RIPK4: variants seen among roughly 807,000 people sequenced by gnomAD.
RIPK4 encodes the protein receptor interacting serine/threonine kinase 4, also known as receptor-interacting serine/threonine-protein kinase 4.
A neutral mutation model predicts 42.9 loss-of-function variants in RIPK4; 17 were observed. The observed-to-expected ratio is 0.40, with a 90% CI of 0.27 to 0.59. The LOEUF is 0.59. Among genes scored for constraint, RIPK4 ranks in the 20% least tolerant of loss-of-function variants. RIPK4 has a pLI of 0.47. For missense variants in RIPK4, 897 were observed against 1,104.4 expected (o/e 0.81, Z 2.66); for synonymous variants, 498 against 499.1 (o/e 1.00, Z 0.03).
At chr21:41,748,520 G>A (rs1449792764) in intron 4 of RIPK4, among the ~76,000 whole-genome samples, 1 of 152,246 alleles carries the variant, frequency 6.6e-6, no homozygotes, top group African/African-American at 2.4e-5. Context: ...CTCAAGCTGG[G>A]CAGGGGTGCC....
intron 1 of RIPK4, among the ~76,000 whole-genome samples, chr21:41,764,885 C>A (rs1020908105): frequency 3.9e-5 from 6 of 152,232 alleles, no homozygotes; most frequent in Non-Finnish European, 7.3e-5. Flanking sequence ...AGGTGAAATG[C>A]TTCCTGCTAG....
intron 5 of RIPK4, chr21:41,746,094 CG>C: frequency 1.4e-6 from 1 of 693,312 alleles, no homozygotes; most frequent in Non-Finnish European, 2.6e-6. Context: ...AAGCCTTCCC[CG>C]GGGGAGCGCC....
intron 1 of RIPK4, among the ~76,000 whole-genome samples, chr21:41,764,326 C>T (rs4634021): frequency 0.017 from 2,526 of 152,296 alleles, 59 homozygotes; most frequent in African/African-American, 0.057. Flanking sequence ...AGGCAAGCAG[C>T]GTTGGCCAGT....
Position 41,742,142 on chromosome 21 carries a change from G to T in RIPK4, c.1196-145C>A. The T allele has an allele frequency of 1.3e-6, 1 of 753,096 alleles. No homozygotes were observed. Among genetic ancestry groups the T allele is most frequent in the Non-Finnish European group, 2.2e-6 (1 of 460,270 alleles). The allele number at this position is 753,096 out of a possible 1,614,324, so 46.7% of individuals were successfully genotyped here. On this transcript the variant is annotated intron_variant, in intron 7 of 7. Coordinates refer to ENST00000332512, the MANE Select transcript of RIPK4 (RefSeq NM_020639.3). The surrounding 1 kb of genome is among the most constrained non-coding windows in gnomAD (Gnocchi z 5.1). Reference sequence around the variant, plus strand: ...GGTCACCCGACTGTGTTTGAGCGTTGTCTGTGCCTCGTGATTAAGGTCAGT... The same window carrying T: ...GGTCACCCGACTGTGTTTGAGCGTTTTCTGTGCCTCGTGATTAAGGTCAGT...
At chr21:41,761,494 C>G (rs1236756003) in intron 1 of RIPK4, among the ~76,000 whole-genome samples, 1 of 152,216 alleles carries the variant, frequency 6.6e-6, no homozygotes, top group Non-Finnish European at 1.5e-5. Context: ...TGTGGCCTCC[C>G]TCCTCCGGAC....
chr21:41,757,145 G>GT (rs1341754595), intron 1 of RIPK4, among the ~76,000 whole-genome samples: 4 of 152,176 alleles, frequency 2.6e-5, no homozygotes, highest in Non-Finnish European at 5.9e-5. Context: ...AGGCTTGGGG[G>GT]TCTCAGAGAC....
Position 41,751,936 on chromosome 21 carries a change from G to A in RIPK4, c.475-691C>T, listed in dbSNP as rs1454459286. 6.6e-6 allele frequency among the ~76,000 whole-genome samples: 1 copy of A among 152,142 alleles called. No individual in the cohort carries two copies. Among genetic ancestry groups the A allele is most frequent in the African/African-American group, 2.4e-5 (1 of 41,440 alleles). On this transcript the variant is annotated intron_variant, in intron 2 of 7. Coordinates refer to ENST00000332512, the MANE Select transcript of RIPK4 (RefSeq NM_020639.3). The surrounding 1 kb of genome is among the most constrained non-coding windows in gnomAD (Gnocchi z 4.5). ...GGCCCCAAGGAGCACCGGCCACCCA[G>A]CTCCTCCAGGAATGCCCTCAACGTC...
chr21:41,744,338 C>G (rs143421534), intron 6 of RIPK4, among the ~76,000 whole-genome samples, 198 bp from the exon 7 acceptor site: 7 of 152,250 alleles, frequency 4.6e-5, no homozygotes, highest in Admixed American at 4.6e-4. Flanking sequence ...GGAGCTCAGA[C>G]GCCATGTCCA....
intron 1 of RIPK4, among the ~76,000 whole-genome samples, chr21:41,757,998 CAAAAAAAAAAA>C (rs530283443): frequency 7.6e-5 from 1 of 13,078 alleles, no homozygotes; most frequent in African/African-American, 4.4e-4. Context: ...GACTCCATAA[CAAAAAAAAAAA>C]AAAAAAAAAA....
At chr21:41,743,226 T>TACCCCTGCAGCCGGC (rs1301524013) in intron 7 of RIPK4, among the ~76,000 whole-genome samples, 1 of 151,968 alleles carries the variant, frequency 6.6e-6, no homozygotes, top group African/African-American at 2.4e-5. Flanking sequence ...GACCACATCT[T>TACCCCTGCAGCCGGC]ACCCCTGCAG....
chr21:41,745,503 T>C (rs1039128730), intron 6 of RIPK4, among the ~76,000 whole-genome samples: 3 of 152,298 alleles, frequency 2.0e-5, no homozygotes, highest in Middle Eastern at 3.4e-3. Context: ...ACACATCCAA[T>C]GAGTGGCTAT....
rs779449822 is a variant in RIPK4, at chr21:41,756,763, C to T, written c.236G>A (p.Arg79His). 5.3e-5 allele frequency: 86 copies of T among 1,613,988 alleles called. No individual in the cohort carries two copies. The highest frequency in any genetic ancestry group is 1.6e-4 in the East Asian group (7 of 44,896). The change falls in exon 2 of 8, where the codon CGC (arginine) becomes CAC (histidine). Residue 79 changes from arginine to histidine, a missense_variant. Physicochemically the swap from Arg to His is conservative, Grantham distance 29 (BLOSUM62 0). Coordinates refer to ENST00000332512, the MANE Select transcript of RIPK4 (RefSeq NM_020639.3). Reference sequence around the variant, plus strand: ...GATGCCATACACAGGCAGGATGTAGCGAAACTTGGCCATCTCCATCTTCTT... The same window carrying T: ...GATGCCATACACAGGCAGGATGTAGTGAAACTTGGCCATCTCCATCTTCTT... ...EAKKMEMAKF[R>H]YILPVYGICR...
At chr21:41,763,461 G>A (rs1016045496) in intron 1 of RIPK4, among the ~76,000 whole-genome samples, 4 of 152,146 alleles carry the variant, frequency 2.6e-5, no homozygotes, top group Admixed American at 6.5e-5. Context: ...GAACTGCCCC[G>A]GGACATGGTC....
intron 2 of RIPK4, among the ~76,000 whole-genome samples, chr21:41,754,051 C>T (rs1363375841): frequency 1.3e-5 from 2 of 152,114 alleles, no homozygotes; most frequent in Non-Finnish European, 2.9e-5. Flanking sequence ...CAGTTTGAAT[C>T]GAGCCCTGAG....
intron 4 of RIPK4, among the ~76,000 whole-genome samples, chr21:41,748,341 C>T (rs956765300): frequency 1.3e-5 from 2 of 152,208 alleles, no homozygotes; most frequent in African/African-American, 4.8e-5. Flanking sequence ...TTTTCGGTCA[C>T]ACCACAAAAT....
At chr21:41,766,236 G>A (rs921897339) in intron 1 of RIPK4, among the ~76,000 whole-genome samples, 5 of 152,212 alleles carry the variant, frequency 3.3e-5, no homozygotes, top group Non-Finnish European at 5.9e-5. Context: ...CCCGAGCCCC[G>A]GAGCTCCACC....
intron 1 of RIPK4, among the ~76,000 whole-genome samples, chr21:41,765,360 A>G (rs1419600452): frequency 6.6e-6 from 1 of 152,182 alleles, no homozygotes; most frequent in African/African-American, 2.4e-5. Context: ...CAGGGGAGAA[A>G]AAGTGCACAG....
At chr21:41,765,314 A>G (rs1569108680) in intron 1 of RIPK4, among the ~76,000 whole-genome samples, 1 of 152,126 alleles carries the variant, frequency 6.6e-6, no homozygotes, top group Non-Finnish European at 1.5e-5. Context: ...TAACCACAGC[A>G]CCCCTCCTGG....
intron 6 of RIPK4, among the ~76,000 whole-genome samples, chr21:41,744,843 A>G (rs2061165925): frequency 6.6e-6 from 1 of 152,186 alleles, no homozygotes; most frequent in Non-Finnish European, 1.5e-5. Flanking sequence ...GGGTGATCCA[A>G]TCCGACATAC....
Sources: allele counts gnomAD v4.1 joint callset (sites outside exome capture counted in the v4.1 genomes callset), GRCh38; gene constraint gnomAD v4.1.1; non-coding constraint Gnocchi (gnomAD v3.1); transcripts MANE v1.5; gene names NCBI Gene and HGNC (gene_info 2026-07-23, HGNC 2026-07-21).